NRXN1: variants seen among roughly 807,000 people sequenced by gnomAD.
NRXN1 encodes neurexin 1, also known as neurexin-1.
In NRXN1, 39 loss-of-function variants were observed where a neutral mutation model predicts 150.9. That is an observed-to-expected ratio of 0.26 (90% CI 0.20 to 0.34). NRXN1 has a LOEUF of 0.34. NRXN1 is among the 10% of genes least tolerant of loss of function. The pLI is 1.00. For missense variants in NRXN1, 1,815 were observed against 1,949.9 expected, an observed-to-expected ratio of 0.93 and a Z score of 1.30; for synonymous variants, 924 against 757.0, an observed-to-expected ratio of 1.22 and a Z score of -3.62.
At chr2:50,908,243 A>G (rs1216050746) in intron 5 of NRXN1, among the ~76,000 whole-genome samples, 1 of 152,022 alleles carries the variant, frequency 6.6e-6, no homozygotes, top group Non-Finnish European at 1.5e-5. Flanking sequence ...AGTAGAGTAC[A>G]GAAAGGCTGA....
At chr2:50,853,576 T>C (rs986599408) in intron 5 of NRXN1, among the ~76,000 whole-genome samples, 5 of 152,144 alleles carry the variant, frequency 3.3e-5, no homozygotes, top group Non-Finnish European at 7.4e-5. Context: ...AATAGGACCA[T>C]ATAAAAATAA....
intron 22 of NRXN1, among the ~76,000 whole-genome samples, chr2:49,923,583 A>C (rs1668588241): frequency 6.6e-6 from 1 of 152,174 alleles, no homozygotes; most frequent in South Asian, 2.1e-4. Flanking sequence ...GCTACTACTA[A>C]ACATCATTTA....
chr2:49,971,418 T>C (rs559036415), intron 21 of NRXN1, among the ~76,000 whole-genome samples: 4 of 152,292 alleles, frequency 2.6e-5, no homozygotes, highest in African/African-American at 7.2e-5. Context: ...GGTGAGAAGT[T>C]TGCTTGGCAG....
chr2:50,153,841 C>A (rs1266208057), intron 18 of NRXN1, among the ~76,000 whole-genome samples: 1 of 151,684 alleles, frequency 6.6e-6, no homozygotes, highest in Non-Finnish European at 1.5e-5. Context: ...TGTATCTGCA[C>A]CTACATGGTC....
chr2:50,919,471 TG>T (rs1685683594), intron 5 of NRXN1: 1 of 151,614 alleles, frequency 6.6e-6, no homozygotes. Flanking sequence ...ATAATGAAGA[TG>T]TTCTTGAATT....
In NRXN1 at chr2:51,027,950, C is replaced by G. The variant is rs199595253; in HGVS notation, c.324G>C (p.Pro108=). The stretch of plus-strand genomic sequence containing the variant: ...CGCTGTGCCAGGCGCCGTCGTTAAC[C>G]GGCGTGTCGGCCAGGAGCGTCGCAG... ...AEPATLLADT[P]VNDGAWHSVR... Residue 108 remains proline, a synonymous_variant, in exon 2 of 23, where the codon CCG becomes CCC. Transcript: ENST00000401669. The G allele has an allele frequency of 6.2e-7, 1 of 1,603,202 alleles. No individual in the cohort carries two copies. Among genetic ancestry groups the G allele is most frequent in the Non-Finnish European group, 8.5e-7 (1 of 1,179,554 alleles).
At chr2:50,790,391 T>C (rs1223858952) in intron 5 of NRXN1, among the ~76,000 whole-genome samples, 1 of 152,130 alleles carries the variant, frequency 6.6e-6, no homozygotes, top group Non-Finnish European at 1.5e-5. Flanking sequence ...TTTCTAGATT[T>C]TGGGTCACCA....
chr2:50,057,048 A>G (rs1693761950), intron 19 of NRXN1, among the ~76,000 whole-genome samples: 1 of 152,090 alleles, frequency 6.6e-6, no homozygotes, highest in East Asian at 1.9e-4. Flanking sequence ...ACCTCTCTAC[A>G]TCTTCTCTGT....
chr2:50,095,404 G>A (rs1041190011), intron 18 of NRXN1, among the ~76,000 whole-genome samples: 6 of 152,080 alleles, frequency 3.9e-5, no homozygotes, highest in African/African-American at 1.2e-4. Context: ...TTAGGGTCTC[G>A]TCTATTATAG....
chr2:50,191,219 T>C (rs1323091254), intron 18 of NRXN1, among the ~76,000 whole-genome samples: 1 of 151,242 alleles, frequency 6.6e-6, no homozygotes, highest in Admixed American at 6.6e-5. Flanking sequence ...TTTTTTTTTT[T>C]AGTAGAGACG....
chr2:50,920,051 A>G (rs933692555), intron 5 of NRXN1: 1 of 357,050 alleles, frequency 2.8e-6, no homozygotes, highest in South Asian at 2.2e-5. Context: ...ATTTCTCTAC[A>G]TCTAATTAAA....
At chr2:50,291,797 C>T (rs1277904082) in intron 17 of NRXN1, among the ~76,000 whole-genome samples, 1 of 152,128 alleles carries the variant, frequency 6.6e-6, no homozygotes, top group African/African-American at 2.4e-5. Context: ...TTCTAGCACC[C>T]TGTTTCCTCT....
At chr2:50,128,620 C>A (rs991876086) in intron 18 of NRXN1, among the ~76,000 whole-genome samples, 3 of 152,012 alleles carry the variant, frequency 2.0e-5, no homozygotes, top group Admixed American at 6.6e-5. Flanking sequence ...ATCTGATGCT[C>A]AAAAAGAATA....
intron 21 of NRXN1, among the ~76,000 whole-genome samples, chr2:50,016,873 A>G (rs1686718010): frequency 6.6e-6 from 1 of 152,202 alleles, no homozygotes; most frequent in Non-Finnish European, 1.5e-5. Context: ...TCTACAATGA[A>G]GTGAGAAGCC....
At chr2:50,409,079 G>T (rs1239222039) in intron 17 of NRXN1, among the ~76,000 whole-genome samples, 2 of 152,136 alleles carry the variant, frequency 1.3e-5, no homozygotes, top group African/African-American at 2.4e-5. Context: ...GATGCATGCT[G>T]CAGCCAAGAG....
At chr2:50,942,118 G>A (rs569404272) in intron 2 of NRXN1, among the ~76,000 whole-genome samples, 11 of 152,308 alleles carry the variant, frequency 7.2e-5, no homozygotes, top group African/African-American at 2.6e-4. Context: ...TTCAAAGGAT[G>A]CAAGCCCCAA....
rs117897273 is a variant in NRXN1 at position 50,720,915 on chromosome 2, C to T, written c.833-97300G>A. Among the ~76,000 whole-genome samples the T allele has an allele frequency of 2.6e-4, 39 of 152,282 alleles. No homozygotes were observed. In the East Asian group the frequency reaches 3.9e-3, roughly 15 times the overall value. ...GTCACTCCTAGATGCAGTGCAATGT[C>T]TGCATCTTACTGCAGCTGTTAGGAC... On this transcript the variant is annotated intron_variant, in intron 5 of 22. Coordinates refer to ENST00000401669, the MANE Select transcript of NRXN1 (RefSeq NM_001330078.2).
chr2:49,975,564 T>C (rs991289298), intron 21 of NRXN1, among the ~76,000 whole-genome samples: 1 of 152,176 alleles, frequency 6.6e-6, no homozygotes, highest in African/African-American at 2.4e-5. Context: ...CATTCAATAT[T>C]GACTATCAGG....
intron 5 of NRXN1, among the ~76,000 whole-genome samples, chr2:50,747,120 C>A (rs182466580): frequency 6.6e-6 from 1 of 152,168 alleles, no homozygotes; most frequent in East Asian, 1.9e-4. Context: ...TAGAGACCGG[C>A]ATTAGAGGGT....
Sources: allele counts gnomAD v4.1 joint callset (sites outside exome capture counted in the v4.1 genomes callset), GRCh38; gene constraint gnomAD v4.1.1; transcripts MANE v1.5; gene names NCBI Gene and HGNC (gene_info 2026-07-23, HGNC 2026-07-21).